The following TBC1D5 variants were observed in gnomAD, a reference collection of about 807,000 sequenced individuals.
TBC1D5 encodes the protein TBC1 domain family member 5.
TBC1D5 carries 75 observed loss-of-function variants against 100.3 expected under a neutral mutation model. The ratio of observed to expected loss-of-function variants is 0.75; its 90% CI spans 0.62 to 0.91. TBC1D5 has a LOEUF of 0.91. TBC1D5 is among the 40% of genes least tolerant of loss of function. The pLI, the probability that TBC1D5 is intolerant of heterozygous loss-of-function variation, is 0.00. For synonymous variants in TBC1D5, 323 were observed against 325.6 expected, an observed-to-expected ratio of 0.99 and a Z score of 0.09; for missense variants, 910 against 942.4, an observed-to-expected ratio of 0.97 and a Z score of 0.45.
chr3:17,540,113 G>T (rs1407970145), intron 2 of TBC1D5, among the ~76,000 whole-genome samples: 1 of 152,190 alleles, frequency 6.6e-6, no homozygotes, highest in Non-Finnish European at 1.5e-5. Flanking sequence ...GCATCTTGTG[G>T]TGTACCAATT....
intron 2 of TBC1D5, among the ~76,000 whole-genome samples, chr3:17,538,823 G>GC (rs2096314408): frequency 6.6e-6 from 1 of 152,180 alleles, no homozygotes; most frequent in African/African-American, 2.4e-5. Context: ...CGGATCACTT[G>GC]AGGCCAGGAG....
chr3:17,371,797 T>C (rs1283722569), intron 13 of TBC1D5, among the ~76,000 whole-genome samples: 1 of 152,144 alleles, frequency 6.6e-6, no homozygotes, highest in Admixed American at 6.6e-5. Flanking sequence ...ATATCTGTAA[T>C]CCCAGCACTT....
chr3:17,644,439 C>A (rs2064824854), intron 1 of TBC1D5, among the ~76,000 whole-genome samples: 1 of 152,054 alleles, frequency 6.6e-6, no homozygotes, highest in Admixed American at 6.6e-5. Flanking sequence ...ATAAGTAAAA[C>A]CTACTTAATC....
intron 1 of TBC1D5, among the ~76,000 whole-genome samples, chr3:17,724,972 A>G (rs967500351): frequency 1.3e-5 from 2 of 152,142 alleles, no homozygotes; most frequent in African/African-American, 4.8e-5. Flanking sequence ...TTTCACTTGT[A>G]GAGGCTTCAT....
At chr3:17,194,881 C>T (rs2070444979) in intron 18 of TBC1D5, among the ~76,000 whole-genome samples, 1 of 152,096 alleles carries the variant, frequency 6.6e-6, no homozygotes, top group Non-Finnish European at 1.5e-5. Context: ...AGAACGGTGC[C>T]AGAAAACAGG....
chr3:17,526,961 C>G (rs977875897), intron 2 of TBC1D5, among the ~76,000 whole-genome samples: 7 of 152,148 alleles, frequency 4.6e-5, no homozygotes, highest in Admixed American at 4.6e-4. Context: ...AAATCCAGGG[C>G]TGCACAAATA....
chr3:17,421,836 T>C (rs6803999), intron 4 of TBC1D5, among the ~76,000 whole-genome samples: 13,864 of 152,196 alleles, frequency 0.091, 1,426 homozygotes, highest in African/African-American at 0.26. Context: ...TTTTTCCAAA[T>C]TGATTCCCTA....
At chr3:17,492,949 T>C (rs1041650831) in intron 3 of TBC1D5, among the ~76,000 whole-genome samples, 2 of 152,228 alleles carry the variant, frequency 1.3e-5, no homozygotes, top group Non-Finnish European at 2.9e-5. Context: ...AAGATTAATA[T>C]TGTTATGTGT....
chr3:17,194,753 T>C (rs553031084), intron 18 of TBC1D5, among the ~76,000 whole-genome samples: 3 of 152,242 alleles, frequency 2.0e-5, no homozygotes, highest in Non-Finnish European at 4.4e-5. Flanking sequence ...TAAGAACTTT[T>C]AGCCTTTAGA....
Position 17,447,384 on chromosome 3 carries a change from A to G in TBC1D5, c.98-18865T>C, listed in dbSNP as rs1357610903. On this transcript the variant is annotated intron_variant, in intron 3 of 21. Transcript: ENST00000253692. ...CAGTAGAAACACAGGGGTTGAATAT[A>G]TAAGAGTTGAGAGATAACTGATAGA... Among the ~76,000 whole-genome samples, 3 of 152,218 alleles carry G rather than the reference A, an allele frequency of 2.0e-5. No homozygotes were observed. In the East Asian group the frequency reaches 5.8e-4, roughly 29 times the overall value.
chr3:17,674,649 C>A (rs2068388305), intron 1 of TBC1D5, among the ~76,000 whole-genome samples: 1 of 152,074 alleles, frequency 6.6e-6, no homozygotes, highest in Non-Finnish European at 1.5e-5. Flanking sequence ...TTTTAAAGTT[C>A]ATACAATAAC....
chr3:17,312,037 G>A (rs1479131714), intron 13 of TBC1D5, among the ~76,000 whole-genome samples: 2 of 152,056 alleles, frequency 1.3e-5, no homozygotes. Context: ...TTATCTCTGT[G>A]CTTGGGTACT....
Position 17,526,482 on chromosome 3 carries a change from G to A in TBC1D5, c.-35-17877C>T, listed in dbSNP as rs568395424. Among the ~76,000 whole-genome samples, 4 of 152,138 alleles carry A rather than the reference G, an allele frequency of 2.6e-5. No homozygotes were observed. The East Asian group carries it at 5.8e-4, about 22-fold the overall frequency. ...CAATCCTCCCAACATGAGCCACAAC[G>A]CTTGGCCCAGAATCTACTACTATTG... is the stretch of plus-strand genomic sequence containing the variant. On this transcript the variant is annotated intron_variant, in intron 2 of 21. Transcript: ENST00000253692.
chr3:17,419,757 C>G (rs1343345687), intron 4 of TBC1D5, among the ~76,000 whole-genome samples: 1 of 152,150 alleles, frequency 6.6e-6, no homozygotes, highest in East Asian at 1.9e-4. Context: ...CTCACTGCAG[C>G]CTCAACCTCC....
chr3:17,371,461 TA>T, intron 13 of TBC1D5, among the ~76,000 whole-genome samples: 2 of 152,306 alleles, frequency 1.3e-5, no homozygotes, highest in South Asian at 4.1e-4. Context: ...TAGCCAATCC[TA>T]AATAATTATG....
intron 21 of TBC1D5, among the ~76,000 whole-genome samples, chr3:17,164,901 T>G (rs1260890389): frequency 6.6e-6 from 1 of 152,238 alleles, no homozygotes; most frequent in African/African-American, 2.4e-5. Context: ...TGTTTCTCTC[T>G]TCTTCAGTAA....
intron 2 of TBC1D5, among the ~76,000 whole-genome samples, chr3:17,513,227 G>T (rs984505316): frequency 2.0e-5 from 3 of 151,972 alleles, no homozygotes; most frequent in African/African-American, 4.8e-5. Flanking sequence ...AGCTACTTGG[G>T]AGGCTGAGGC....
At chr3:17,248,450 G>A (rs992178457) in intron 16 of TBC1D5, among the ~76,000 whole-genome samples, 11 of 152,126 alleles carry the variant, frequency 7.2e-5, no homozygotes, top group Non-Finnish European at 1.0e-4. Context: ...TTTCCAGATG[G>A]TTTTCAATTT....
chr3:17,157,419 T>TA (rs1452614970), exon 22 of TBC1D5: 5 of 152,252 alleles, frequency 3.3e-5, no homozygotes, highest in African/African-American at 1.2e-4. Flanking sequence ...TTTAACAGTA[T>TA]AAAAAGAGAG....
Sources: gnomAD v4.1 joint callset for allele counts (sites outside exome capture counted in the v4.1 genomes callset) on GRCh38, gnomAD v4.1.1 for gene constraint, MANE v1.5 for transcripts, NCBI Gene and HGNC (gene_info 2026-07-23, HGNC 2026-07-21) for gene names.